CETN3: variants seen among roughly 807,000 people sequenced by gnomAD.
The protein encoded by CETN3 is centrin-3.
A neutral mutation model predicts 20.1 loss-of-function variants in CETN3; 17 were observed. That is an observed-to-expected ratio of 0.85 (90% CI 0.58 to 1.27). CETN3 has a LOEUF of 1.27. Among genes scored for constraint, CETN3 ranks in the 50% most tolerant of loss-of-function variants. The probability of loss-of-function intolerance (pLI) is 0.00; values close to 1 mark genes in which losing one functional copy is unlikely to be tolerated. For missense variants in CETN3, 169 were observed against 191.2 expected, an observed-to-expected ratio of 0.88 and a Z score of 0.69; for synonymous variants, 52 against 59.7, an observed-to-expected ratio of 0.87 and a Z score of 0.59.
Position 90,399,522 on chromosome 5 carries a change from G to T in CETN3, c.296C>A (p.Pro99His). 1.2e-6 allele frequency: 2 copies of T among 1,612,900 alleles called. No homozygotes were observed. Among genetic ancestry groups the T allele is most frequent in the Non-Finnish European group, 1.7e-6 (2 of 1,179,432 alleles). The change falls in exon 4 of 5, where the codon CCC (proline) becomes CAC (histidine). Residue 99 changes from proline (P) to histidine (H), a missense_variant. Transcript: ENST00000283122. ...VVTDWILERDPHEEILKAFKL... is the reference protein window; with the variant it reads ...VVTDWILERDHHEEILKAFKL... ...AAATGCCTTGAGTATTTCTTCATGG[G>T]GATCTCTTTCCAATATCCAGTCTGT...
Position 90,392,349 on chromosome 5 carries a change from A to G in CETN3, c.*1715T>C, listed in dbSNP as rs561757124. 1.8e-3 allele frequency: 268 copies of G among 152,192 alleles called. No homozygotes were observed. Among genetic ancestry groups the G allele is most frequent in the African/African-American group, 6.3e-3 (261 of 41,524 alleles). 9.4% of individuals were successfully genotyped at this position (152,192 alleles called of 1,614,324 possible). A position where few individuals can be genotyped will look rare whatever the true frequency, so the allele number is the denominator to read the frequency against. On this transcript the variant is annotated 3_prime_UTR_variant, in exon 5 of 5. Coordinates refer to ENST00000283122, the MANE Select transcript of CETN3 (RefSeq NM_004365.4). ...GGGAACTCATCAGTGTGCGACAAAA[A>G]TTTTTTAATTTCAAGGTCTGTTGCC... is the stretch of plus-strand genomic sequence containing the variant.
In CETN3 at chr5:90,394,036, C is replaced by T; in HGVS notation, c.*28G>A. On this transcript the variant is annotated 3_prime_UTR_variant, in exon 5 of 5. Transcript: ENST00000283122. ...ATAGAATATAAGATGGTAACTGCAA[C>T]ATTCTTAGTGTTTATCCTTGTAATT... 1.4e-6 allele frequency: 2 copies of T among 1,447,324 alleles called. No homozygotes were observed. The highest frequency in any genetic ancestry group is 1.9e-6 in the Non-Finnish European group (2 of 1,042,938). The allele number at this position is 1,447,324 out of a possible 1,614,324, so 89.7% of individuals were successfully genotyped here. A position where few individuals can be genotyped will look rare whatever the true frequency, so the allele number is the denominator to read the frequency against.
intron 3 of CETN3, among the ~76,000 whole-genome samples, chr5:90,401,667 G>A (rs369359513): frequency 6.6e-6 from 1 of 152,022 alleles, no homozygotes; most frequent in African/African-American, 2.4e-5. Context: ...AAACATACCA[G>A]TTAGACATGT....
Position 90,407,824 on chromosome 5 carries a change from C to G in CETN3, c.28G>C (p.Val10Leu), listed in dbSNP as rs4873. The change falls in exon 2 of 5, where the codon GTA (valine) becomes CTA (leucine). Residue 10 changes from valine to leucine, a missense_variant. Physicochemically the swap from Val to Leu is conservative, Grantham distance 32. Transcript: ENST00000283122. Reference protein sequence around the residue: MSLALRSELVVDKTKRKKRR... With the variant: MSLALRSELLVDKTKRKKRR... ...TTTTTCCTCTTTGTTTTGTCCACTA[C>G]AAGCTCACTTCTATGAAATGGAAAG... 399,451 of 1,581,828 alleles carry G rather than the reference C, an allele frequency of 0.25. 53,007 individuals carry two copies. The highest frequency in any genetic ancestry group is 0.27 in the Non-Finnish European group (318,191 of 1,164,024).
At chr5:90,399,947 G>C (rs1749239541) in intron 3 of CETN3, among the ~76,000 whole-genome samples, 1 of 152,162 alleles carries the variant, frequency 6.6e-6, no homozygotes, top group Non-Finnish European at 1.5e-5. Context: ...AAAATAATTG[G>C]AGCTAACTAA....
chr5:90,396,327 A>G (rs1352632358), intron 4 of CETN3: 1 of 984,752 alleles, frequency 1.0e-6, no homozygotes, highest in African/African-American at 1.7e-5. Flanking sequence ...AAAATCTGTA[A>G]TACTCCAAAC....
intron 3 of CETN3, among the ~76,000 whole-genome samples, chr5:90,399,928 C>A (rs552908684): frequency 8.5e-5 from 13 of 152,256 alleles, no homozygotes; most frequent in Non-Finnish European, 1.8e-4. Context: ...TGTGGAGAGA[C>A]ATACCAACAA....
Position 90,407,796 on chromosome 5 carries a change from CT to C in CETN3, c.55del (p.Arg19GlufsTer27), listed in dbSNP as rs781605960. 11 of 1,601,580 alleles carry C rather than the reference CT, an allele frequency of 6.9e-6. No individual in the cohort carries two copies. The highest frequency in any genetic ancestry group is 1.7e-5 in the Admixed American group (1 of 58,510). On this transcript the variant is annotated frameshift_variant, in exon 2 of 5. Transcript: ENST00000283122. LOFTEE classifies it high-confidence loss of function. ...LVVDKTKRKK[R>X]RELSEEQKQE... ...TTTCTGTTCCTCAGACAGTTCTCTTCTTTTTTTCCTCTTTGTTTTGTCCACT... is the reference window on the plus strand; with the variant it reads ...TTTCTGTTCCTCAGACAGTTCTCTTCTTTTTTCCTCTTTGTTTTGTCCACT...
At chr5:90,406,178 C>T (rs1390632430) in intron 2 of CETN3, among the ~76,000 whole-genome samples, 1 of 151,938 alleles carries the variant, frequency 6.6e-6, no homozygotes, top group Admixed American at 6.6e-5. Context: ...AGAGATAAAA[C>T]ATTAAAACAA....
In CETN3 at chr5:90,395,569, A is replaced by G. The variant is rs1190986282; in HGVS notation, c.461-1462T>C. ...GGCTGGTCTTGAACTCCTGGGCTCAAGCAATCCACCTGCCTCAGCCTCCCA... is the reference window on the plus strand; with the variant it reads ...GGCTGGTCTTGAACTCCTGGGCTCAGGCAATCCACCTGCCTCAGCCTCCCA... On this transcript the variant is annotated intron_variant, in intron 4 of 4. Coordinates refer to ENST00000283122, the MANE Select transcript of CETN3 (RefSeq NM_004365.4). Among the ~76,000 whole-genome samples, 3 of 152,266 alleles carry G rather than the reference A, an allele frequency of 2.0e-5. No individual in the cohort carries two copies. In the South Asian group the frequency reaches 6.2e-4, roughly 32 times the overall value.
intron 4 of CETN3, among the ~76,000 whole-genome samples, chr5:90,394,385 A>G (rs1216494229): frequency 6.6e-6 from 1 of 152,036 alleles, no homozygotes; most frequent in Non-Finnish European, 1.5e-5. Context: ...AAAAAAGTCA[A>G]TCACAGTCAT....
At chr5:90,398,528 G>T (rs1175515931) in intron 4 of CETN3, among the ~76,000 whole-genome samples, 7 of 152,172 alleles carry the variant, frequency 4.6e-5, no homozygotes, top group African/African-American at 1.7e-4. Context: ...AGCATTCTAA[G>T]ATTAAGAAAC....
intron 4 of CETN3, chr5:90,395,696 C>T (rs182537279): frequency 1.3e-4 from 25 of 196,110 alleles, no homozygotes; most frequent in African/African-American, 4.5e-4. Flanking sequence ...AATATACACA[C>T]GACAGGTAAA....
At chr5:90,409,275 C>G (rs1013052192) in intron 1 of CETN3, among the ~76,000 whole-genome samples, 3 of 152,106 alleles carry the variant, frequency 2.0e-5, no homozygotes, top group Admixed American at 6.5e-5. Flanking sequence ...GCGGAGCAGC[C>G]GAGGTGGGGC....
intron 3 of CETN3, among the ~76,000 whole-genome samples, chr5:90,404,975 T>C (rs973266224): frequency 6.6e-6 from 1 of 152,160 alleles, no homozygotes; most frequent in African/African-American, 2.4e-5. Flanking sequence ...CGGACTCTTC[T>C]ATTTTGAAAA....
Position 90,409,749 on chromosome 5 carries a change from C to A in CETN3, c.-88G>T, listed in dbSNP as rs909216925. 4 of 1,501,818 alleles carry A rather than the reference C, an allele frequency of 2.7e-6. No individual in the cohort carries two copies. The highest frequency in any genetic ancestry group is 1.4e-5 in the African/African-American group (1 of 72,768). The allele number at this position is 1,501,818 out of a possible 1,614,324, so 93.0% of individuals were successfully genotyped here. On this transcript the variant is annotated 5_prime_UTR_variant, in exon 1 of 5. Transcript: ENST00000283122. ...GACGCCCACAGCCGTTCAACAGACA[C>A]GAACGACCTCAGCGGCCTCAGGGAC...
chr5:90,399,644 T>C, intron 3 of CETN3, 95 bp from the exon 4 acceptor site: 1 of 959,632 alleles, frequency 1.0e-6, no homozygotes, highest in South Asian at 1.7e-5. Flanking sequence ...GAATTAAAGC[T>C]GTGACTGTCA....
At chr5:90,403,828 G>A (rs1177514025) in intron 3 of CETN3, among the ~76,000 whole-genome samples, 1 of 121,314 alleles carries the variant, frequency 8.2e-6, no homozygotes, top group Non-Finnish European at 1.6e-5. Context: ...CCGAGATCCC[G>A]CCACTGCACT....
intron 4 of CETN3, among the ~76,000 whole-genome samples, chr5:90,398,826 G>A (rs113303712): frequency 1.5e-3 from 228 of 152,262 alleles, no homozygotes; most frequent in African/African-American, 5.1e-3. Flanking sequence ...TTTATATGCC[G>A]AAAGGGCAAT....
Sources: allele counts gnomAD v4.1 joint callset (sites outside exome capture counted in the v4.1 genomes callset), GRCh38; gene constraint gnomAD v4.1.1; transcripts MANE v1.5; gene names NCBI Gene and HGNC (gene_info 2026-07-23, HGNC 2026-07-21).